SLC39A11: variants seen among roughly 807,000 people sequenced by gnomAD.
The protein encoded by SLC39A11 is zinc transporter ZIP11.
Under a neutral mutation model 36.1 loss-of-function variants are expected in SLC39A11, and 33 were observed. The observed-to-expected ratio is 0.91, with a 90% confidence interval of 0.69 to 1.22. The LOEUF is 1.22. SLC39A11 is among the 50% of genes most tolerant of loss of function. SLC39A11 has a pLI of 0.00. For synonymous variants in SLC39A11, 166 were observed against 170.3 expected, an observed-to-expected ratio of 0.97 and a Z score of 0.20; for missense variants, 432 against 430.3, an observed-to-expected ratio of 1.00 and a Z score of -0.03.
At chr17:72,960,674 G>C (rs966755869) in intron 4 of SLC39A11, among the ~76,000 whole-genome samples, 1 of 149,836 alleles carries the variant, frequency 6.7e-6, no homozygotes, top group Non-Finnish European at 1.5e-5. Flanking sequence ...ATTAAAAAGC[G>C]GGTATAGTGG....
At chr17:72,983,658 A>T (rs1196050566) in intron 4 of SLC39A11, among the ~76,000 whole-genome samples, 1 of 152,242 alleles carries the variant, frequency 6.6e-6, no homozygotes, top group Non-Finnish European at 1.5e-5. Flanking sequence ...AAATAAAATA[A>T]GTAACCAGAA....
At chr17:72,898,581 GAA>G (rs1241464669) in intron 5 of SLC39A11, among the ~76,000 whole-genome samples, 1 of 150,900 alleles carries the variant, frequency 6.6e-6, no homozygotes, top group Non-Finnish European at 1.5e-5. Context: ...GCTTGTCAGA[GAA>G]AAAAAAAGAC....
chr17:72,695,042 T>G (rs1440982331), intron 7 of SLC39A11, among the ~76,000 whole-genome samples: 2 of 152,214 alleles, frequency 1.3e-5, no homozygotes, highest in Non-Finnish European at 1.5e-5. Flanking sequence ...CCTTTCTTTC[T>G]GCTGGTATGC....
At chr17:72,665,773 C>G (rs558022547) in intron 7 of SLC39A11, among the ~76,000 whole-genome samples, 1 of 152,146 alleles carries the variant, frequency 6.6e-6, no homozygotes, top group African/African-American at 2.4e-5. Flanking sequence ...AAAACCTAGT[C>G]TTTCTCTTTC....
At chr17:72,883,600 G>A (rs375758002) in intron 5 of SLC39A11, among the ~76,000 whole-genome samples, 7 of 152,068 alleles carry the variant, frequency 4.6e-5, no homozygotes, top group East Asian at 1.9e-4. Flanking sequence ...TTCAGGGTCA[G>A]GTGACTACAA....
chr17:72,960,726 G>A (rs777822801), intron 4 of SLC39A11, among the ~76,000 whole-genome samples: 1 of 151,958 alleles, frequency 6.6e-6, no homozygotes, highest in East Asian at 1.9e-4. Context: ...CAGGAGGATC[G>A]CTTGGGCCCA....
intron 6 of SLC39A11, among the ~76,000 whole-genome samples, chr17:72,812,089 C>T (rs1190135203): frequency 6.6e-6 from 1 of 152,112 alleles, no homozygotes; most frequent in African/African-American, 2.4e-5. Context: ...TTTTGTCTCC[C>T]CCACAAAAAC....
At chr17:72,777,092 G>T (rs1046972277) in intron 6 of SLC39A11, among the ~76,000 whole-genome samples, 1 of 152,110 alleles carries the variant, frequency 6.6e-6, no homozygotes, top group Non-Finnish European at 1.5e-5. Context: ...GATCTGGGAC[G>T]GAGCCTGAAT....
chr17:73,001,472 G>C (rs560100061), intron 4 of SLC39A11, among the ~76,000 whole-genome samples: 11 of 149,482 alleles, frequency 7.4e-5, no homozygotes, highest in Non-Finnish European at 1.0e-4. Context: ...TAAATGACGA[G>C]TTAATGGGTG....
At chr17:72,910,590 C>T (rs1269366222) in intron 5 of SLC39A11, among the ~76,000 whole-genome samples, 9 of 140,386 alleles carry the variant, frequency 6.4e-5, no homozygotes. Context: ...TGTCACTGCA[C>T]CCCATCCTGG....
chr17:72,923,360 T>A (rs1053894124), intron 5 of SLC39A11, among the ~76,000 whole-genome samples: 12 of 151,888 alleles, frequency 7.9e-5, no homozygotes, highest in African/African-American at 2.9e-4. Context: ...TGGCCCTGAG[T>A]CTCAGAATTA....
rs576678315 is a variant in SLC39A11, at chr17:72,767,105, G to A, written c.602-30386C>T. 5.9e-5 allele frequency among the ~76,000 whole-genome samples: 9 copies of A among 152,244 alleles called. No individual in the cohort carries two copies. In the South Asian group the frequency reaches 1.5e-3, roughly 25 times the overall value. On this transcript the variant is annotated intron_variant, in intron 6 of 9. Coordinates refer to ENST00000255559, the MANE Select transcript of SLC39A11 (RefSeq NM_139177.4). The stretch of plus-strand genomic sequence containing the variant: ...AGAGAGAGAGCTCCTGACCAAAATC[G>A]GCCAGAAGCCCCTCTCAGGTTTATT...
rs1031168142 is a variant in SLC39A11, at chr17:72,671,458, C to T, written c.672-22190G>A. 3.7e-4 allele frequency among the ~76,000 whole-genome samples: 56 copies of T among 152,192 alleles called. 1 individual carries two copies. Among genetic ancestry groups the T allele is most frequent in the African/African-American group, 1.2e-3 (49 of 41,452 alleles). On this transcript the variant is annotated intron_variant, in intron 7 of 9. Transcript: ENST00000255559. ...TATTTAGGCTGGCTGCGGCAGCTCA[C>T]GCTTGTAATCCCAGCACTTTGGGAG...
intron 3 of SLC39A11, among the ~76,000 whole-genome samples, chr17:73,043,372 C>T (rs2059171428): frequency 6.6e-6 from 1 of 152,104 alleles, no homozygotes; most frequent in Non-Finnish European, 1.5e-5. Flanking sequence ...CAATGGGTGG[C>T]TTGTTTCCAA....
At chr17:72,736,537 G>A in intron 7 of SLC39A11, 113 bp downstream of exon 7, 1 of 889,254 alleles carries the variant, frequency 1.1e-6, no homozygotes, top group Non-Finnish European at 1.9e-6. Flanking sequence ...TCTTGGTCCT[G>A]TGGGGCTGGG....
At chr17:72,996,447 G>C (rs1289214693) in intron 4 of SLC39A11, among the ~76,000 whole-genome samples, 2 of 152,172 alleles carry the variant, frequency 1.3e-5, no homozygotes, top group Non-Finnish European at 2.9e-5. Flanking sequence ...CCAAACGTCT[G>C]AATCAAGGTA....
At chr17:72,815,077 G>A (rs1362333034) in intron 6 of SLC39A11, among the ~76,000 whole-genome samples, 3 of 152,186 alleles carry the variant, frequency 2.0e-5, no homozygotes, top group Non-Finnish European at 4.4e-5. Flanking sequence ...AGCAACCCAG[G>A]AGTTATTGGT....
intron 4 of SLC39A11, among the ~76,000 whole-genome samples, chr17:73,017,893 T>C (rs1187271331): frequency 6.6e-6 from 1 of 152,042 alleles, no homozygotes; most frequent in Non-Finnish European, 1.5e-5. Flanking sequence ...CAAAGTAAAA[T>C]GCTATGAGGC....
chr17:72,929,420 C>T (rs1323682601), intron 5 of SLC39A11, among the ~76,000 whole-genome samples: 1 of 152,106 alleles, frequency 6.6e-6, no homozygotes, highest in East Asian at 1.9e-4. Flanking sequence ...CGGGTAGTCT[C>T]CTTTCCACAA....
Sources: gnomAD v4.1 joint callset for allele counts (sites outside exome capture counted in the v4.1 genomes callset) on GRCh38, gnomAD v4.1.1 for gene constraint, MANE v1.5 for transcripts, NCBI Gene and HGNC (gene_info 2026-07-23, HGNC 2026-07-21) for gene names.